The following HS3ST4 variants were observed in gnomAD, a reference collection of about 807,000 sequenced individuals.
HS3ST4 encodes the protein heparan sulfate glucosamine 3-O-sulfotransferase 4.
A neutral mutation model predicts 29.2 loss-of-function variants in HS3ST4; 17 were observed. The ratio of observed to expected loss-of-function variants is 0.58; its 90% CI spans 0.40 to 0.87. HS3ST4 has a LOEUF of 0.87. HS3ST4 is among the 40% of genes least tolerant of loss of function. HS3ST4 has a pLI of 0.00. For missense variants in HS3ST4, 627 were observed against 634.5 expected, an observed-to-expected ratio of 0.99 and a Z score of 0.13; for synonymous variants, 314 against 285.7, an observed-to-expected ratio of 1.10 and a Z score of -1.00.
intron 1 of HS3ST4, among the ~76,000 whole-genome samples, chr16:26,067,122 A>G (rs995474022): frequency 1.2e-4 from 18 of 152,170 alleles, no homozygotes; most frequent in Admixed American, 8.5e-4. Context: ...TTTGTCCCTC[A>G]TCATCTCTAC....
intron 1 of HS3ST4, among the ~76,000 whole-genome samples, chr16:25,873,378 T>TC (rs1967780649): frequency 1.0e-5 from 1 of 96,754 alleles, no homozygotes; most frequent in Non-Finnish European, 2.2e-5. Flanking sequence ...AGCCATCCAG[T>TC]CATCCATCCA....
chr16:25,987,960 G>A (rs968127792), intron 1 of HS3ST4, among the ~76,000 whole-genome samples: 3 of 152,006 alleles, frequency 2.0e-5, no homozygotes, highest in East Asian at 1.9e-4. Context: ...TAATAGAGAC[G>A]GGGTTTCACC....
intron 1 of HS3ST4, among the ~76,000 whole-genome samples, chr16:25,805,702 T>A (rs28479125): frequency 0.39 from 58,529 of 151,742 alleles, 12,286 homozygotes; most frequent in African/African-American, 0.55. Flanking sequence ...TTTTTAAAAA[T>A]TTTTTATTTT....
chr16:26,015,118 C>G (rs1969351109), intron 1 of HS3ST4, among the ~76,000 whole-genome samples: 1 of 152,166 alleles, frequency 6.6e-6, no homozygotes, highest in Non-Finnish European at 1.5e-5. Context: ...ATCTTTTAGG[C>G]TGCCAAGTCG....
rs542274531 is a variant in HS3ST4, at chr16:25,911,496, GTTTTTTTTTTTT to G, written c.734+218362_734+218373del. On this transcript the variant is annotated intron_variant, in intron 1 of 1. Transcript: ENST00000331351. ...GAGGGAGGTGGTGTTCCGTTGTGTG[GTTTTTTTTTTTT>G]TTTTTTTTTTTTTTTTGGGACATGA... 1.2e-4 allele frequency among the ~76,000 whole-genome samples: 10 copies of G among 82,014 alleles called. No individual in the cohort carries two copies. The South Asian group carries it at 3.5e-3, about 29-fold the overall frequency. 53.8% of individuals were successfully genotyped at this position (82,014 alleles called of 152,430 possible). A position where few individuals can be genotyped will look rare whatever the true frequency, so the allele number is the denominator to read the frequency against.
intron 1 of HS3ST4, among the ~76,000 whole-genome samples, chr16:25,987,265 G>C (rs573433951): frequency 6.6e-6 from 1 of 151,898 alleles, no homozygotes; most frequent in Non-Finnish European, 1.5e-5. Context: ...CAGGAGAATC[G>C]CTTGAACCGG....
At chr16:26,006,189 C>T (rs1255645904) in intron 1 of HS3ST4, among the ~76,000 whole-genome samples, 1 of 146,998 alleles carries the variant, frequency 6.8e-6, no homozygotes, top group African/African-American at 2.5e-5. Flanking sequence ...GTCCCAGCTA[C>T]TTGGGAGGCT....
chr16:25,702,601 TG>T lies in HS3ST4; in HGVS notation c.734+9451del, dbSNP rs552897843. On this transcript the variant is annotated intron_variant, in intron 1 of 1. Coordinates refer to ENST00000331351, the MANE Select transcript of HS3ST4 (RefSeq NM_006040.3). ...TTGTTTGTTTGTTTGTCTAAGTCAT[TG>T]ATGCCTAAATTGAGATCAGATGTGT... 1.6e-4 allele frequency among the ~76,000 whole-genome samples: 25 copies of T among 152,262 alleles called. 2 individuals carry two copies. The South Asian group carries it at 5.2e-3, about 32-fold the overall frequency.
At chr16:25,945,852 A>G (rs1228412901) in intron 1 of HS3ST4, among the ~76,000 whole-genome samples, 1 of 152,206 alleles carries the variant, frequency 6.6e-6, no homozygotes, top group Admixed American at 6.5e-5. Flanking sequence ...CTTCTGACCA[A>G]AATGAACCTA....
At chr16:25,849,567 G>A (rs1967497900) in intron 1 of HS3ST4, among the ~76,000 whole-genome samples, 1 of 152,140 alleles carries the variant, frequency 6.6e-6, no homozygotes, top group South Asian at 2.1e-4. Context: ...GGCAGTCATG[G>A]CTCACTGCAG....
intron 1 of HS3ST4, among the ~76,000 whole-genome samples, chr16:26,028,726 G>T (rs1004583723): frequency 6.6e-6 from 1 of 150,432 alleles, no homozygotes; most frequent in Non-Finnish European, 1.5e-5. Context: ...AGGTGTTGGG[G>T]AAGATATTCA....
intron 1 of HS3ST4, among the ~76,000 whole-genome samples, chr16:25,948,926 T>G (rs369151107): frequency 5.6e-4 from 86 of 152,316 alleles, no homozygotes; most frequent in African/African-American, 2.0e-3. Context: ...TCATAAATTC[T>G]GGGGTCTGAG....
Position 25,720,493 on chromosome 16 carries a change from G to A in HS3ST4, c.734+27342G>A, listed in dbSNP as rs140245812. On this transcript the variant is annotated intron_variant, in intron 1 of 1. Transcript: ENST00000331351. ...TTACCGTAGGACCCCAAGTTTGAGA[G>A]GTAATTGTTGTTTGGACTGGCTGGT... 4.6e-3 allele frequency among the ~76,000 whole-genome samples: 694 copies of A among 152,314 alleles called. 3 individuals carry two copies. Among genetic ancestry groups the A allele is most frequent in the Middle Eastern group, 0.017 (5 of 294 alleles).
At chr16:25,995,681 G>A (rs1969153432) in intron 1 of HS3ST4, among the ~76,000 whole-genome samples, 1 of 152,172 alleles carries the variant, frequency 6.6e-6, no homozygotes, top group South Asian at 2.1e-4. Context: ...AGTGTGGAAG[G>A]TAAAGAACAG....
chr16:25,856,252 A>T (rs1177140662), intron 1 of HS3ST4, among the ~76,000 whole-genome samples: 2 of 152,012 alleles, frequency 1.3e-5, no homozygotes, highest in Non-Finnish European at 2.9e-5. Context: ...TGCTAATGAG[A>T]TTACTCCAGG....
At chr16:25,864,370 T>C (rs968772947) in intron 1 of HS3ST4, among the ~76,000 whole-genome samples, 2 of 119,662 alleles carry the variant, frequency 1.7e-5, no homozygotes, top group African/African-American at 7.0e-5. Context: ...TCATTATTAT[T>C]AGGTTGGTGC....
At chr16:25,958,819 A>G (rs1396697798) in intron 1 of HS3ST4, among the ~76,000 whole-genome samples, 1 of 152,148 alleles carries the variant, frequency 6.6e-6, no homozygotes, top group East Asian at 1.9e-4. Flanking sequence ...TCCTCACAGC[A>G]TGCTGGTTTC....
At chr16:26,015,925 T>C (rs1969358298) in intron 1 of HS3ST4, among the ~76,000 whole-genome samples, 1 of 152,130 alleles carries the variant, frequency 6.6e-6, no homozygotes, top group African/African-American at 2.4e-5. Flanking sequence ...AGAGACATTT[T>C]TAGTTGTCAC....
chr16:26,090,941 G>A (rs1479614304), intron 1 of HS3ST4, among the ~76,000 whole-genome samples: 1 of 152,150 alleles, frequency 6.6e-6, no homozygotes, highest in Non-Finnish European at 1.5e-5. Context: ...AACAAGGCTA[G>A]GTTATGAAGT....
Sources: gnomAD v4.1 joint callset for allele counts (sites outside exome capture counted in the v4.1 genomes callset) on GRCh38, gnomAD v4.1.1 for gene constraint, MANE v1.5 for transcripts, NCBI Gene and HGNC (gene_info 2026-07-23, HGNC 2026-07-21) for gene names.